The following WIPI2 variants were observed in gnomAD, a reference collection of about 807,000 sequenced individuals.
The protein encoded by WIPI2 is WD repeat domain phosphoinositide-interacting protein 2.
Under a neutral mutation model 52.3 loss-of-function variants are expected in WIPI2, and 28 were observed. The observed-to-expected ratio is 0.54, with a 90% confidence interval of 0.40 to 0.73. The LOEUF (loss-of-function observed/expected upper bound fraction) is 0.73. Ranked by LOEUF, WIPI2 falls within the 30% of genes least tolerant of loss-of-function variation. WIPI2 has a pLI of 0.00. For synonymous variants in WIPI2, 268 were observed against 245.0 expected (o/e 1.09, Z -0.88); for missense variants, 506 against 602.9 (o/e 0.84, Z 1.68).
Position 5,227,613 on chromosome 7 carries a change from G to A in WIPI2, c.1013+269G>A, listed in dbSNP as rs772436471. ...AGACGTTAAGTCAAACCTCGTGAGTGTGCCGTAGTTAACCCTTTGGGGCCA... is the reference window on the plus strand; with the variant it reads ...AGACGTTAAGTCAAACCTCGTGAGTATGCCGTAGTTAACCCTTTGGGGCCA... On this transcript the variant is annotated intron_variant, in intron 10 of 12. Coordinates refer to ENST00000288828, the MANE Select transcript of WIPI2 (RefSeq NM_015610.4). The surrounding 1 kb of genome is among the most constrained non-coding windows in gnomAD (Gnocchi z 8.1). Among the ~76,000 whole-genome samples the A allele has an allele frequency of 4.4e-4, 67 of 152,200 alleles. No homozygotes were observed. The highest frequency in any genetic ancestry group is 8.7e-4 in the Non-Finnish European group (59 of 68,040).
chr7:5,211,835 G>C (rs1782576547), intron 3 of WIPI2, among the ~76,000 whole-genome samples: 1 of 152,188 alleles, frequency 6.6e-6, no homozygotes, highest in Admixed American at 6.5e-5. Flanking sequence ...GCTGAGACTG[G>C]AATGTGATTG....
intron 3 of WIPI2, among the ~76,000 whole-genome samples, chr7:5,205,991 A>AT (rs199589905): frequency 8.9e-5 from 13 of 146,870 alleles, no homozygotes; most frequent in South Asian, 4.3e-4. Flanking sequence ...GGTTGCAAAT[A>AT]TTTTTTTTTT....
intron 11 of WIPI2, chr7:5,229,329 T>A: frequency 3.6e-6 from 1 of 275,214 alleles, no homozygotes; most frequent in Non-Finnish European, 7.0e-6. Context: ...CTGACTTTTT[T>A]TGTAAATAGT....
At chr7:5,221,196 C>T (rs1346263989) in intron 7 of WIPI2, among the ~76,000 whole-genome samples, 1 of 152,068 alleles carries the variant, frequency 6.6e-6, no homozygotes, top group Non-Finnish European at 1.5e-5. Context: ...CTCCTCACCT[C>T]AGGTGACCAC....
intron 7 of WIPI2, among the ~76,000 whole-genome samples, chr7:5,220,074 G>A (rs1054581780): frequency 1.3e-5 from 2 of 151,868 alleles, no homozygotes; most frequent in East Asian, 1.9e-4. Flanking sequence ...GAGCTCAAGC[G>A]ATCTACAAAC....
At position 5,199,637 on chromosome 7, in the gene WIPI2, C is replaced by T. The variant is rs746856238; in HGVS notation, c.190C>T (p.Leu64=). 2.2e-5 allele frequency: 35 copies of T among 1,612,022 alleles called. No individual in the cohort carries two copies. The highest frequency in any genetic ancestry group is 2.7e-5 in the Non-Finnish European group (32 of 1,179,616). ...TTTCTCCCTTTCTTCTGTGGATAAGCTGGAACAGATCTATGAATGCAGTAA... is the reference window on the plus strand; with the variant it reads ...TTTCTCCCTTTCTTCTGTGGATAAGTTGGAACAGATCTATGAATGCAGTAA... The part of the protein sequence containing the change: ...KFFSLSSVDK[L]EQIYECTDTE... The change falls in exon 3 of 13, where the codon CTG becomes TTG. Residue 64 remains leucine (L), a synonymous_variant. Transcript: ENST00000288828.
intron 9 of WIPI2, 37 bp downstream of exon 9, chr7:5,225,967 A>G: frequency 6.3e-7 from 1 of 1,575,744 alleles, no homozygotes; most frequent in Non-Finnish European, 8.7e-7. Flanking sequence ...AAAATGATGC[A>G]AAACCCTTTG....
intron 8 of WIPI2, among the ~76,000 whole-genome samples, chr7:5,224,356 C>T (rs1443273465): frequency 1.3e-5 from 2 of 152,214 alleles, no homozygotes; most frequent in Non-Finnish European, 2.9e-5. Context: ...GTGCCTTCCA[C>T]GTATTTTTCT....
At position 5,232,410 on chromosome 7, in the gene WIPI2, A is replaced by G. The variant is rs1583603514; in HGVS notation, c.*1463A>G. 2 of 398,090 alleles carry G rather than the reference A, an allele frequency of 5.0e-6. No homozygotes were observed. The highest frequency in any genetic ancestry group is 3.6e-5 in the East Asian group (1 of 28,076). 24.7% of individuals were successfully genotyped at this position (398,090 alleles called of 1,614,324 possible). A position where few individuals can be genotyped will look rare whatever the true frequency, so the allele number is the denominator to read the frequency against. The stretch of plus-strand genomic sequence containing the variant: ...TGCAGGGGACGCTGGAGTCCGACTC[A>G]CCTACACCGGCTTCCTCCCAGCCGC... On this transcript the variant is annotated 3_prime_UTR_variant, in exon 13 of 13. Coordinates refer to ENST00000288828, the MANE Select transcript of WIPI2 (RefSeq NM_015610.4).
intron 1 of WIPI2, 131 bp from the exon 2 acceptor site, chr7:5,192,987 G>C (rs1212835337): frequency 2.5e-5 from 20 of 809,630 alleles, no homozygotes; most frequent in Non-Finnish European, 4.0e-5. Flanking sequence ...AACTATAACT[G>C]TCCTGCCTTT....
chr7:5,227,391 C>T lies in WIPI2; in HGVS notation c.1013+47C>T, dbSNP rs754666928. On this transcript the variant is annotated intron_variant, in intron 10 of 12. Transcript: ENST00000288828. This position sits in a 1 kb window ranked among gnomAD's most constrained non-coding sequence, Gnocchi z 8.1. ...GTCCCCCACCCCGTGTGCCTCAGGC[C>T]GAGGGGCCCAGTCCTGGCGGCTTGT... The T allele has an allele frequency of 6.9e-6, 11 of 1,598,554 alleles. No homozygotes were observed. The Admixed American group carries it at 8.4e-5, about 12-fold the overall frequency.
chr7:5,217,264 C>A, intron 6 of WIPI2, 77 bp downstream of exon 6: 1 of 1,459,098 alleles, frequency 6.9e-7, no homozygotes, highest in Non-Finnish European at 9.6e-7. Flanking sequence ...GTGTCCCTGG[C>A]ATCCTGACTT....
In WIPI2 at chr7:5,227,110, G is replaced by A. The variant is rs995491540; in HGVS notation, c.849-70G>A. The stretch of plus-strand genomic sequence containing the variant: ...CTGTCGGCTCCAGAGCTGTGCGTCT[G>A]TGTGAGTAGGGGGTGGCCGTCCCCC... On this transcript the variant is annotated intron_variant, in intron 9 of 12. Coordinates refer to ENST00000288828, the MANE Select transcript of WIPI2 (RefSeq NM_015610.4). This position sits in a 1 kb window ranked among gnomAD's most constrained non-coding sequence, Gnocchi z 8.1. The A allele has an allele frequency of 1.1e-5, 17 of 1,590,926 alleles. No homozygotes were observed. The highest frequency in any genetic ancestry group is 1.3e-5 in the African/African-American group (1 of 74,376).
chr7:5,196,015 G>T (rs1432788287), intron 2 of WIPI2, among the ~76,000 whole-genome samples: 3 of 151,384 alleles, frequency 2.0e-5, no homozygotes, highest in Non-Finnish European at 4.4e-5. Context: ...TCTAGCCTGG[G>T]CAACAGAGCA....
At chr7:5,225,547 A>G (rs972568252) in intron 8 of WIPI2, among the ~76,000 whole-genome samples, 7 of 152,224 alleles carry the variant, frequency 4.6e-5, no homozygotes, top group African/African-American at 1.7e-4. Context: ...CCTTAGGACT[A>G]TAAATCCATC....
rs201942590 is a variant in WIPI2 at position 5,221,231 on chromosome 7, G to GA, written c.670-1370dup. ...CTCACCTCGGGCTCCCAAAGCTTGG[G>GA]ATTACAGGCGTGAGTCACCGCACCT... On this transcript the variant is annotated intron_variant, in intron 7 of 12. Transcript: ENST00000288828. 4.6e-3 allele frequency among the ~76,000 whole-genome samples: 703 copies of GA among 152,098 alleles called. 7 individuals carry two copies. The highest frequency in any genetic ancestry group is 0.016 in the African/African-American group (670 of 41,458).
chr7:5,217,335 G>T lies in WIPI2; in HGVS notation c.576+148G>T, dbSNP rs190332995. ...TTTGTTTGTTTTTGAGACAGGGTCTGGCTCTGTCGCCCATGCTGGAGTGCA... is the reference window on the plus strand; with the variant it reads ...TTTGTTTGTTTTTGAGACAGGGTCTTGCTCTGTCGCCCATGCTGGAGTGCA... On this transcript the variant is annotated intron_variant, in intron 6 of 12. Coordinates refer to ENST00000288828, the MANE Select transcript of WIPI2 (RefSeq NM_015610.4). The T allele has an allele frequency of 2.8e-3, 2,320 of 838,200 alleles. 48 individuals carry two copies. The highest frequency in any genetic ancestry group is 3.5e-3 in the East Asian group (128 of 36,300). 51.9% of individuals were successfully genotyped at this position (838,200 alleles called of 1,614,324 possible). A position where few individuals can be genotyped will look rare whatever the true frequency, so the allele number is the denominator to read the frequency against.
chr7:5,223,211 G>A (rs566351938), intron 8 of WIPI2, among the ~76,000 whole-genome samples: 4 of 152,306 alleles, frequency 2.6e-5, no homozygotes, highest in South Asian at 2.1e-4. Context: ...CTCCCTCGTC[G>A]GACAGTAGAG....
At chr7:5,190,699 G>C in intron 1 of WIPI2, 1 of 417,584 alleles carries the variant, frequency 2.4e-6, no homozygotes, top group East Asian at 3.9e-5. Flanking sequence ...CTGGAGCTGC[G>C]GTCCCGGAGC....
Sources: allele counts gnomAD v4.1 joint callset (sites outside exome capture counted in the v4.1 genomes callset), GRCh38; gene constraint gnomAD v4.1.1; non-coding constraint Gnocchi (gnomAD v3.1); transcripts MANE v1.5; gene names NCBI Gene and HGNC (gene_info 2026-07-23, HGNC 2026-07-21).